The following ATR variants were observed in gnomAD, a reference collection of about 807,000 sequenced individuals.
The protein encoded by ATR is ATR checkpoint kinase, also known as serine/threonine-protein kinase ATR.
A neutral mutation model predicts 305.3 loss-of-function variants in ATR; 142 were observed. The observed-to-expected ratio is 0.47, with a 90% CI of 0.41 to 0.53. The LOEUF is 0.53. Among genes scored for constraint, ATR ranks in the 20% least tolerant of loss-of-function variants. The pLI, the probability that ATR is intolerant of heterozygous loss-of-function variation, is 0.00. For synonymous variants in ATR, 1,050 were observed against 1,068.1 expected (o/e 0.98, Z 0.33); for missense variants, 2,135 against 3,133.1 (o/e 0.68, Z 7.60).
chr3:142,553,810 A>G lies in ATR; in HGVS notation c.2532+15T>C. 1 of 1,613,078 alleles carries G rather than the reference A, an allele frequency of 6.2e-7. No individual in the cohort carries two copies. Among genetic ancestry groups the G allele is most frequent in the Non-Finnish European group, 8.5e-7 (1 of 1,179,260 alleles). On this transcript the variant is annotated intron_variant, in intron 11 of 46. Coordinates refer to ENST00000350721, the MANE Select transcript of ATR (RefSeq NM_001184.4). The stretch of plus-strand genomic sequence containing the variant: ...GTTGACGTAAACTCAAATGTTAAAA[A>G]CAAAAATTATCAACCTCCTTTATAA...
chr3:142,573,024 C>T (rs1304514789), intron 1 of ATR, among the ~76,000 whole-genome samples: 1 of 152,158 alleles, frequency 6.6e-6, no homozygotes, highest in Non-Finnish European at 1.5e-5. Flanking sequence ...GCCATTAGAC[C>T]GTAAGCTCTT....
At position 142,513,543 on chromosome 3, in the gene ATR, C is replaced by A. The variant is rs373547593; in HGVS notation, c.4599G>T (p.Leu1533=). The A allele has an allele frequency of 1.1e-5, 18 of 1,613,166 alleles. No individual in the cohort carries two copies. The African/African-American group carries it at 2.4e-4, about 22-fold the overall frequency. ...KVTIYLLPHI[L]VYVLLGCNQE... is the part of the protein sequence containing the mutation. The stretch of plus-strand genomic sequence containing the variant: ...GATTACAACCCAGTAAGACATACAC[C>A]AGAATATGTGGAAGAAGATAGATGG... Residue 1533 remains leucine (L), a synonymous_variant, in exon 26 of 47, where the codon CTG becomes CTT. Transcript: ENST00000350721.
chr3:142,561,497 T>A, intron 4 of ATR, 76 bp from the exon 5 acceptor site: 1 of 1,433,212 alleles, frequency 7.0e-7, no homozygotes, highest in Non-Finnish European at 9.5e-7. Context: ...AGCAAGAATG[T>A]ATTAGATGTT....
intron 46 of ATR, chr3:142,449,882 A>T: frequency 2.2e-6 from 1 of 450,714 alleles, no homozygotes; most frequent in Non-Finnish European, 4.1e-6. Flanking sequence ...TAGAAAAATA[A>T]TTTTTTAAAT....
chr3:142,482,530 C>T (rs1007811254), intron 36 of ATR, among the ~76,000 whole-genome samples: 1 of 152,062 alleles, frequency 6.6e-6, no homozygotes, highest in East Asian at 1.9e-4. Flanking sequence ...GAAGCTATTA[C>T]TCATTTTTCA....
At chr3:142,450,378 G>A in intron 46 of ATR, 1 of 1,512,492 alleles carries the variant, frequency 6.6e-7, no homozygotes, top group Non-Finnish European at 9.1e-7. Flanking sequence ...TACTTTGCCA[G>A]ACCTTTATCA....
intron 8 of ATR, among the ~76,000 whole-genome samples, chr3:142,558,320 C>T (rs1308461302): frequency 5.3e-5 from 8 of 151,744 alleles, no homozygotes; most frequent in Non-Finnish European, 1.0e-4. Context: ...GTCAGGAGTT[C>T]GAGACCAGCC....
chr3:142,457,016 A>G (rs1204076316), intron 45 of ATR, among the ~76,000 whole-genome samples: 1 of 152,214 alleles, frequency 6.6e-6, no homozygotes, highest in Non-Finnish European at 1.5e-5. Context: ...TCACAGCCAC[A>G]CTATTTATAA....
intron 45 of ATR, among the ~76,000 whole-genome samples, chr3:142,455,292 G>A (rs893284001): frequency 1.3e-5 from 2 of 152,146 alleles, no homozygotes; most frequent in East Asian, 3.8e-4. Context: ...AACATTCTAT[G>A]TTCATCGATC....
Position 142,562,088 on chromosome 3 carries a change from A to G in ATR, c.1170+144T>C, listed in dbSNP as rs1468834179. 12 of 981,368 alleles carry G rather than the reference A, an allele frequency of 1.2e-5. No individual in the cohort carries two copies. In the East Asian group the frequency reaches 2.9e-4, roughly 24 times the overall value. 60.8% of individuals were successfully genotyped at this position (981,368 alleles called of 1,614,324 possible). On this transcript the variant is annotated intron_variant, in intron 4 of 46. Transcript: ENST00000350721. ...GTAAAAGTCCATAATAGTGAGCCAG[A>G]CTACACTATGAAAATCATTATGTTC...
In ATR at chr3:142,469,579, G is replaced by A. The variant is rs2108279820; in HGVS notation, c.6320-10C>T. ...CGATCGGAGCGGCCAGCTGGGGGAAGAAATAAGTTTAAAAAACAATAAAGG... is the reference window on the plus strand; with the variant it reads ...CGATCGGAGCGGCCAGCTGGGGGAAAAAATAAGTTTAAAAAACAATAAAGG... On this transcript the variant is annotated splice_polypyrimidine_tract_variant and intron_variant, in intron 37 of 46. Transcript: ENST00000350721. 6 of 1,595,568 alleles carry A rather than the reference G, an allele frequency of 3.8e-6. No homozygotes were observed. The highest frequency in any genetic ancestry group is 1.7e-4 in the Middle Eastern group (1 of 6,000).
chr3:142,551,250 C>T (rs1385877410), intron 13 of ATR, among the ~76,000 whole-genome samples: 1 of 152,066 alleles, frequency 6.6e-6, no homozygotes, highest in South Asian at 2.1e-4. Flanking sequence ...TCTCTAAAAC[C>T]CCATCTCTAC....
intron 21 of ATR, among the ~76,000 whole-genome samples, chr3:142,526,893 G>A (rs1246498737): frequency 6.6e-6 from 1 of 151,710 alleles, no homozygotes; most frequent in African/African-American, 2.4e-5. Flanking sequence ...AGGCCAAGGT[G>A]ATCCTCCCAC....
intron 1 of ATR, 86 bp downstream of exon 1, chr3:142,578,560 A>C: frequency 6.9e-7 from 1 of 1,440,234 alleles, no homozygotes; most frequent in Non-Finnish European, 9.5e-7. Flanking sequence ...TCCCAGCCAT[A>C]GCGCAGCAGG....
intron 36 of ATR, among the ~76,000 whole-genome samples, chr3:142,478,490 G>A (rs2030098035): frequency 6.6e-6 from 1 of 152,116 alleles, no homozygotes; most frequent in African/African-American, 2.4e-5. Context: ...TACATTTGCT[G>A]AGGAGTGCTT....
At chr3:142,545,512 T>C (rs1004117962) in intron 16 of ATR, among the ~76,000 whole-genome samples, 3 of 152,170 alleles carry the variant, frequency 2.0e-5, no homozygotes, top group African/African-American at 7.2e-5. Context: ...AGGCAGATCA[T>C]GTATGCCTTA....
intron 46 of ATR, chr3:142,450,269 C>T (rs1486845250): frequency 5.4e-6 from 4 of 740,022 alleles, no homozygotes; most frequent in Non-Finnish European, 9.6e-6. Flanking sequence ...GCCAACTTTC[C>T]CTTTTGCAGT....
At chr3:142,501,085 G>C (rs2031934318) in intron 30 of ATR, among the ~76,000 whole-genome samples, 1 of 152,162 alleles carries the variant, frequency 6.6e-6, no homozygotes, top group Non-Finnish European at 1.5e-5. Flanking sequence ...AATGCAAACA[G>C]AAATTACCCC....
intron 45 of ATR, 135 bp downstream of exon 45, chr3:142,457,469 T>A (rs1004971012): frequency 9.9e-7 from 1 of 1,014,656 alleles, no homozygotes. Flanking sequence ...ATAAATTATA[T>A]CTGCATAAAG....
Sources: allele counts gnomAD v4.1 joint callset (sites outside exome capture counted in the v4.1 genomes callset), GRCh38; gene constraint gnomAD v4.1.1; transcripts MANE v1.5; gene names NCBI Gene and HGNC (gene_info 2026-07-23, HGNC 2026-07-21).